MCC: variants seen among roughly 807,000 people sequenced by gnomAD.
MCC encodes the protein MCC regulator of Wnt signaling pathway.
A neutral mutation model predicts 116.2 loss-of-function variants in MCC; 90 were observed. That is an observed-to-expected ratio of 0.77 (90% confidence interval 0.65 to 0.92). The LOEUF (loss-of-function observed/expected upper bound fraction) is 0.92, where lower values mean the gene tolerates loss of function less well. Among genes scored for constraint, MCC ranks in the 40% least tolerant of loss-of-function variants. The pLI is 0.00. For synonymous variants in MCC, 578 were observed against 510.5 expected (o/e 1.13, Z -1.78); for missense variants, 1,516 against 1,312.2 (o/e 1.16, Z -2.40).
rs185330078 is a variant in MCC, at chr5:113,094,610, C to T, written c.1398+7129G>A. On this transcript the variant is annotated intron_variant, in intron 8 of 18. Coordinates refer to ENST00000408903, the MANE Select transcript of MCC (RefSeq NM_001085377.2). ...TAATTTTTTGTATTTTTAGTAGAGA[C>T]GGGGTTTCACTATGTTGGCCAGGCT... Among the ~76,000 whole-genome samples, 9 of 151,964 alleles carry T rather than the reference C, an allele frequency of 5.9e-5. No homozygotes were observed. The East Asian group carries it at 7.7e-4, about 13-fold the overall frequency.
chr5:113,095,458 A>G (rs145269791), intron 8 of MCC, among the ~76,000 whole-genome samples: 6 of 152,264 alleles, frequency 3.9e-5, no homozygotes, highest in African/African-American at 1.4e-4. Context: ...TGCATAAATC[A>G]TCACCCATCA....
At chr5:113,193,840 A>T (rs1762258478) in intron 3 of MCC, among the ~76,000 whole-genome samples, 1 of 152,086 alleles carries the variant, frequency 6.6e-6, no homozygotes, top group Admixed American at 6.5e-5. Flanking sequence ...CTACATATAC[A>T]CCTAGGAATT....
chr5:113,063,912 C>T, intron 14 of MCC, 72 bp downstream of exon 14: 2 of 1,505,150 alleles, frequency 1.3e-6, no homozygotes, highest in Non-Finnish European at 9.0e-7. Flanking sequence ...AGCTGGGTCA[C>T]TGCACACCAA....
At chr5:113,097,476 A>G (rs1173304711) in intron 8 of MCC, among the ~76,000 whole-genome samples, 1 of 152,172 alleles carries the variant, frequency 6.6e-6, no homozygotes, top group Non-Finnish European at 1.5e-5. Flanking sequence ...TCTATTTTCA[A>G]TATTTTTATA....
intron 8 of MCC, 119 bp from the exon 9 acceptor site, chr5:113,085,429 A>T: frequency 1.1e-6 from 1 of 947,910 alleles, no homozygotes; most frequent in Non-Finnish European, 1.6e-6. Context: ...CTGAAAAGCT[A>T]GGTTGGTTGA....
intron 3 of MCC, among the ~76,000 whole-genome samples, chr5:113,152,351 C>A (rs1207079409): frequency 6.6e-6 from 1 of 152,220 alleles, no homozygotes; most frequent in Non-Finnish European, 1.5e-5. Flanking sequence ...GGTCCCAAAG[C>A]AACACCCTGA....
chr5:113,438,664 A>G (rs191322357), intron 1 of MCC, among the ~76,000 whole-genome samples: 23 of 152,234 alleles, frequency 1.5e-4, no homozygotes, highest in African/African-American at 5.3e-4. Context: ...GATCTATTAT[A>G]CCTTAGAATA....
intron 12 of MCC, among the ~76,000 whole-genome samples, chr5:113,069,275 G>C (rs1021824506): frequency 6.6e-6 from 1 of 152,166 alleles, no homozygotes; most frequent in East Asian, 1.9e-4. Flanking sequence ...GCTCTGACAA[G>C]AGTTTGAGTT....
intron 1 of MCC, among the ~76,000 whole-genome samples, chr5:113,466,516 T>C (rs533276660): frequency 6.6e-6 from 1 of 152,132 alleles, no homozygotes; most frequent in South Asian, 2.1e-4. Context: ...CACAAACTCA[T>C]CATTTTTTAT....
Position 113,053,857 on chromosome 5 carries a change from C to T in MCC, c.2316G>A (p.Ala772=), listed in dbSNP as rs199914598. Residue 772 remains alanine, a synonymous_variant, in exon 15 of 19, where the codon GCG becomes GCA. Transcript: ENST00000408903. ...YIQQLKNDRA[A]VKLTMLELES... is the part of the protein sequence containing the mutation. ...CCAGCTCCAGCATGGTCAGCTTGAC[C>T]GCAGCCCTGTCATTCTTGAGCTGCT... is the stretch of plus-strand genomic sequence containing the variant. 90 of 1,614,090 alleles carry T rather than the reference C, an allele frequency of 5.6e-5. No homozygotes were observed. The Admixed American group carries it at 9.2e-4, about 16-fold the overall frequency.
chr5:113,038,262 C>T (rs1338891236), intron 17 of MCC, among the ~76,000 whole-genome samples: 1 of 151,958 alleles, frequency 6.6e-6, no homozygotes, highest in Non-Finnish European at 1.5e-5. Flanking sequence ...GTGGAGATGT[C>T]CAGTGGGCAT....
At chr5:113,145,639 A>G (rs1759449830) in intron 4 of MCC, among the ~76,000 whole-genome samples, 1 of 152,158 alleles carries the variant, frequency 6.6e-6, no homozygotes, top group Non-Finnish European at 1.5e-5. Flanking sequence ...ACTGACTGAT[A>G]TCAACTGCCT....
intron 1 of MCC, among the ~76,000 whole-genome samples, chr5:113,409,167 A>G (rs927815594): frequency 6.6e-5 from 10 of 152,166 alleles, no homozygotes; most frequent in Non-Finnish European, 1.5e-4. Flanking sequence ...TCTCCTCTGC[A>G]CTTAAAAATG....
At chr5:113,105,013 C>G (rs1756648673) in intron 6 of MCC, among the ~76,000 whole-genome samples, 1 of 152,204 alleles carries the variant, frequency 6.6e-6, no homozygotes, top group Non-Finnish European at 1.5e-5. Flanking sequence ...CGCTGGACAT[C>G]CAGGGCCTGG....
intron 3 of MCC, among the ~76,000 whole-genome samples, chr5:113,310,337 G>A (rs1239482685): frequency 6.6e-6 from 1 of 152,198 alleles, no homozygotes; most frequent in Non-Finnish European, 1.5e-5. Context: ...CAACAGGGGT[G>A]CCAACTTGGA....
intron 1 of MCC, among the ~76,000 whole-genome samples, chr5:113,459,237 T>C (rs1202543530): frequency 6.7e-6 from 1 of 149,078 alleles, no homozygotes; most frequent in Admixed American, 6.7e-5. Flanking sequence ...AAATATACCT[T>C]TTGAAAAAGC....
chr5:113,339,712 A>G (rs1483126707), intron 3 of MCC, among the ~76,000 whole-genome samples: 1 of 152,244 alleles, frequency 6.6e-6, no homozygotes, highest in Non-Finnish European at 1.5e-5. Context: ...ACATCCCACC[A>G]AAAGTGTCAG....
At chr5:113,203,648 C>T (rs931657429) in intron 3 of MCC, among the ~76,000 whole-genome samples, 6 of 152,088 alleles carry the variant, frequency 3.9e-5, no homozygotes, top group Non-Finnish European at 7.4e-5. Context: ...AACCCACATT[C>T]AACCACTCAA....
At chr5:113,114,582 C>T (rs1293637009) in intron 6 of MCC, among the ~76,000 whole-genome samples, 1 of 152,142 alleles carries the variant, frequency 6.6e-6, no homozygotes, top group African/African-American at 2.4e-5. Context: ...GCCTACCCCG[C>T]CCCCCATCCT....
Sources: allele counts gnomAD v4.1 joint callset (sites outside exome capture counted in the v4.1 genomes callset), GRCh38; gene constraint gnomAD v4.1.1; transcripts MANE v1.5; gene names NCBI Gene and HGNC (gene_info 2026-07-23, HGNC 2026-07-21).